Variants in MYO7A observed in about 807,000 individuals in gnomAD.
MYO7A encodes myosin VIIA, also known as unconventional myosin-VIIa.
MYO7A carries 210 observed loss-of-function variants against 263.8 expected under a neutral mutation model. The observed-to-expected ratio is 0.80, with a 90% CI of 0.71 to 0.89. The LOEUF (loss-of-function observed/expected upper bound fraction) is 0.89, where lower values mean the gene tolerates loss of function less well. MYO7A is among the 40% of genes least tolerant of loss of function. The pLI is 0.00. For synonymous variants in MYO7A, 1,239 were observed against 1,197.3 expected (o/e 1.03, Z -0.72); for missense variants, 2,820 against 2,968.3 (o/e 0.95, Z 1.16).
chr11:77,182,971 G>A (rs187906709), intron 25 of MYO7A, 97 bp from the exon 26 acceptor site: 25 of 1,064,574 alleles, frequency 2.3e-5, no homozygotes, highest in Admixed American at 4.0e-5. Flanking sequence ...TAAGCTTCAC[G>A]TGGAAGCGAG....
rs76999754 is a variant in MYO7A at position 77,177,244 on chromosome 11, G to A, written c.2188-305G>A. On this transcript the variant is annotated intron_variant, in intron 18 of 48. Coordinates refer to ENST00000409709, the MANE Select transcript of MYO7A (RefSeq NM_000260.4). ...GGGACGTCTAGAAGCAGGGGGCTTG[G>A]GCAGATTGACGATAGGGAAGAAGCT... 6.8e-3 allele frequency among the ~76,000 whole-genome samples: 1,031 copies of A among 152,282 alleles called. 10 individuals are homozygous for A. The highest frequency in any genetic ancestry group is 0.024 in the African/African-American group (994 of 41,552).
Position 77,177,599 on chromosome 11 carries a change from CAG to C in MYO7A, c.2241_2242del (p.Arg747SerfsTer16), listed in dbSNP as rs1555080760. 1.2e-6 allele frequency: 2 copies of C among 1,612,122 alleles called. No individual in the cohort carries two copies. Among genetic ancestry groups the C allele is most frequent in the Admixed American group, 1.7e-5 (1 of 59,912 alleles). ...EVERDKAITD[R>X]VILLQKVIRG... ...TGGAGCGGGACAAAGCCATCACCGA[CAG>C]AGTCATCCTCCTTCAGAAAGTCATC... On this transcript the variant is annotated frameshift_variant, in exon 19 of 49. Transcript: ENST00000409709. LOFTEE classifies it high-confidence loss of function.
At chr11:77,145,043 G>A (rs1279877863) in intron 3 of MYO7A, among the ~76,000 whole-genome samples, 1 of 152,196 alleles carries the variant, frequency 6.6e-6, no homozygotes, top group Non-Finnish European at 1.5e-5. Flanking sequence ...TTGACCTGCA[G>A]GGTGCTGGCC....
intron 44 of MYO7A, among the ~76,000 whole-genome samples, chr11:77,209,998 G>A (rs1957754930): frequency 6.6e-6 from 1 of 152,218 alleles, no homozygotes; most frequent in South Asian, 2.1e-4. Context: ...ATGTTGGGAT[G>A]CTCTTCCCTC....
intron 35 of MYO7A, among the ~76,000 whole-genome samples, chr11:77,200,944 T>G (rs1591465329): frequency 4.9e-5 from 7 of 144,086 alleles, no homozygotes; most frequent in African/African-American, 7.7e-5. Flanking sequence ...GGGAGGGGGG[T>G]GGGAAGAAGA....
chr11:77,189,328 C>G lies in MYO7A; in HGVS notation c.3504-16C>G. ...TGTGGGGTGATTCCCCCTCCCTTGC[C>G]CTGCTGCCTGCCCAGGGACGAGATC... On this transcript the variant is annotated splice_polypyrimidine_tract_variant and intron_variant, in intron 27 of 48. Coordinates refer to ENST00000409709, the MANE Select transcript of MYO7A (RefSeq NM_000260.4). 6.2e-7 allele frequency: 1 copy of G among 1,612,592 alleles called. No individual in the cohort carries two copies. The highest frequency in any genetic ancestry group is 8.5e-7 in the Non-Finnish European group (1 of 1,179,834).
At chr11:77,148,508 C>T (rs556750891) in intron 4 of MYO7A, among the ~76,000 whole-genome samples, 18 of 152,282 alleles carry the variant, frequency 1.2e-4, no homozygotes, top group African/African-American at 4.1e-4. Context: ...ATGTCTGCCC[C>T]AGCCAGGACA....
intron 18 of MYO7A, 55 bp downstream of exon 18, chr11:77,175,519 T>C (rs1954570345): frequency 6.5e-7 from 1 of 1,530,148 alleles, no homozygotes; most frequent in Non-Finnish European, 9.0e-7. Context: ...ATTCCCATGA[T>C]GTGGGCTGGG....
intron 30 of MYO7A, among the ~76,000 whole-genome samples, chr11:77,191,819 G>T (rs564272931): frequency 1.3e-5 from 2 of 152,344 alleles, no homozygotes; most frequent in South Asian, 4.1e-4. Context: ...GCTTCCACTA[G>T]AAAATGGGAA....
At chr11:77,205,961 A>G in intron 40 of MYO7A, 136 bp from the exon 41 acceptor site, 1 of 731,670 alleles carries the variant, frequency 1.4e-6, no homozygotes, top group Non-Finnish European at 2.3e-6. Context: ...AGGCTCTGGG[A>G]GACTCAGTGG....
rs782109507 is a variant in MYO7A, at chr11:77,172,815, T to C, written c.1865T>C (p.Met622Thr). 5 of 1,554,044 alleles carry C rather than the reference T, an allele frequency of 3.2e-6. No individual in the cohort carries two copies. Among genetic ancestry groups the C allele is most frequent in the Non-Finnish European group, 4.4e-6 (5 of 1,148,648 alleles). The change falls in exon 16 of 49, where the codon ATG becomes ACG. Residue 622 changes from methionine to threonine, a missense_variant. Physicochemically the swap from Met to Thr is moderately conservative, Grantham distance 81. Transcript: ENST00000409709. ...SQFKRSLELL[M>T]RTLGACQPFF... is the part of the protein sequence containing the mutation. The stretch of plus-strand genomic sequence containing the variant: ...TTCAAGCGGTCACTGGAGCTGCTGA[T>C]GCGCACGCTGGGTGCCTGCCAGCCC...
chr11:77,156,202 G>C (rs537066813), intron 5 of MYO7A, 111 bp downstream of exon 5: 1 of 1,222,780 alleles, frequency 8.2e-7, no homozygotes, highest in Non-Finnish European at 1.1e-6. Flanking sequence ...ATGCCATCAA[G>C]CTCTTCAGGA....
intron 2 of MYO7A, among the ~76,000 whole-genome samples, chr11:77,140,352 G>A (rs1228364215): frequency 2.0e-5 from 3 of 152,184 alleles, no homozygotes; most frequent in African/African-American, 7.2e-5. Context: ...ATGTGGGACT[G>A]GGCCCAGGGA....
intron 26 of MYO7A, 86 bp downstream of exon 26, chr11:77,183,243 C>T (rs1324587012): frequency 1.5e-5 from 18 of 1,168,572 alleles, no homozygotes; most frequent in Non-Finnish European, 2.1e-5. Flanking sequence ...TGGGGGCCCA[C>T]GGAAGCAGGA....
rs750356179 is a variant in MYO7A, at chr11:77,194,447, T to C, written c.4246T>C (p.Tyr1416His). 1.4e-5 allele frequency: 23 copies of C among 1,611,344 alleles called. No individual in the cohort carries two copies. Among genetic ancestry groups the C allele is most frequent in the South Asian group, 1.2e-4 (11 of 90,252 alleles). Residue 1416 changes from tyrosine to histidine, a missense_variant, in exon 32 of 49, where the codon TAC becomes CAC. By Grantham distance (83) the Tyr-to-His change is moderately conservative. Transcript: ENST00000409709. ...GCGCCTCCTGAACCTCGTGCCCACC[T>C]ACATCCCCGACCGCGAGATCACGCC... Reference protein sequence around the residue: ...LERLLNLVPTYIPDREITPLK... With the variant: ...LERLLNLVPTHIPDREITPLK...
In MYO7A at chr11:77,138,885, A is replaced by G. The variant is rs1397207709; in HGVS notation, c.19-3824A>G. ...AATGGGGTGATAAAACCGGTGTCCC[A>G]GAGTGATCATGAAGATAACGAGCGG... On this transcript the variant is annotated intron_variant, in intron 2 of 48. Transcript: ENST00000409709. The surrounding 1 kb of genome is among the most constrained non-coding windows in gnomAD (Gnocchi z 4.9). Among the ~76,000 whole-genome samples the G allele has an allele frequency of 6.6e-6, 1 of 152,274 alleles. No individual in the cohort carries two copies. Among genetic ancestry groups the G allele is most frequent in the Non-Finnish European group, 1.5e-5 (1 of 68,048 alleles).
chr11:77,210,096 G>A (rs964209140), intron 44 of MYO7A, among the ~76,000 whole-genome samples: 3 of 152,216 alleles, frequency 2.0e-5, no homozygotes, highest in Non-Finnish European at 2.9e-5. Context: ...GCCTAGATTA[G>A]GTCACCTTGT....
At chr11:77,205,355 C>G in intron 39 of MYO7A, 107 bp from the exon 40 acceptor site, 1 of 1,331,224 alleles carries the variant, frequency 7.5e-7, no homozygotes, top group Non-Finnish European at 1.0e-6. Context: ...GACGGTGCTG[C>G]TGTGATGAGC....
intron 18 of MYO7A, 150 bp downstream of exon 18, chr11:77,175,614 G>A (rs1954583081): frequency 1.3e-6 from 1 of 763,428 alleles, no homozygotes; most frequent in African/African-American, 1.7e-5. Context: ...GTGGGATCTG[G>A]CCTCTCTGGT....
Sources: gnomAD v4.1 joint callset for allele counts (sites outside exome capture counted in the v4.1 genomes callset) on GRCh38, gnomAD v4.1.1 for gene constraint, Gnocchi (gnomAD v3.1) non-coding constraint, MANE v1.5 for transcripts, NCBI Gene and HGNC (gene_info 2026-07-23, HGNC 2026-07-21) for gene names.